Variants in CCDC192 observed in about 807,000 individuals in gnomAD.
CCDC192 encodes the protein coiled-coil domain containing 192, also known as coiled-coil domain-containing protein 192.
intron 3 of CCDC192, among the ~76,000 whole-genome samples, chr5:127,780,900 G>A (rs2126932442): frequency 6.6e-6 from 1 of 152,182 alleles, no homozygotes; most frequent in Non-Finnish European, 1.5e-5. Flanking sequence ...TCCTTGCCTA[G>A]GCTAATGTCT....
At chr5:127,898,047 T>G (rs1442530072) in intron 6 of CCDC192, among the ~76,000 whole-genome samples, 1 of 152,102 alleles carries the variant, frequency 6.6e-6, no homozygotes, top group Non-Finnish European at 1.5e-5. Flanking sequence ...TAGAGTATAT[T>G]TAACGGGGCC....
intron 2 of CCDC192, among the ~76,000 whole-genome samples, chr5:127,711,615 G>A (rs1751341905): frequency 6.6e-6 from 1 of 152,204 alleles, no homozygotes; most frequent in Admixed American, 6.5e-5. Flanking sequence ...ATTCTAAGAT[G>A]ACTTTCAAAA....
chr5:127,770,890 T>A (rs963565958), intron 3 of CCDC192, among the ~76,000 whole-genome samples: 3 of 152,230 alleles, frequency 2.0e-5, no homozygotes, highest in South Asian at 2.1e-4. Flanking sequence ...GGGTGGACTA[T>A]AATTGGCTTC....
chr5:127,825,536 G>A (rs778696942), intron 5 of CCDC192, among the ~76,000 whole-genome samples: 7 of 152,170 alleles, frequency 4.6e-5, no homozygotes, highest in African/African-American at 7.2e-5. Flanking sequence ...TGGCATGAGT[G>A]GCTGAAGCTG....
At chr5:127,901,753 G>A (rs897369437) in intron 6 of CCDC192, among the ~76,000 whole-genome samples, 2 of 152,052 alleles carry the variant, frequency 1.3e-5, no homozygotes, top group Admixed American at 6.5e-5. Flanking sequence ...AAAGGCTGCT[G>A]GTCCTCCCTG....
At chr5:127,751,904 C>A (rs1051949390) in intron 2 of CCDC192, among the ~76,000 whole-genome samples, 3 of 152,078 alleles carry the variant, frequency 2.0e-5, no homozygotes, top group Non-Finnish European at 4.4e-5. Flanking sequence ...CAGTTGATCG[C>A]ATCGGCTCCT....
At chr5:127,896,967 A>C (rs1277789443) in intron 6 of CCDC192, among the ~76,000 whole-genome samples, 1 of 152,022 alleles carries the variant, frequency 6.6e-6, no homozygotes, top group Non-Finnish European at 1.5e-5. Flanking sequence ...ATTGAAAAAT[A>C]TTTCCTTTAT....
intron 2 of CCDC192, among the ~76,000 whole-genome samples, chr5:127,724,640 A>G (rs1752208647): frequency 6.6e-6 from 1 of 152,116 alleles, no homozygotes; most frequent in Non-Finnish European, 1.5e-5. Flanking sequence ...CATGAGGTCA[A>G]CAGATCAAGA....
chr5:127,792,243 G>A (rs766437359), intron 3 of CCDC192, among the ~76,000 whole-genome samples: 12 of 152,106 alleles, frequency 7.9e-5, no homozygotes, highest in Non-Finnish European at 1.6e-4. Context: ...ACATGACTAC[G>A]AGGCCTCAGG....
At chr5:127,761,136 C>T (rs972642226) in intron 3 of CCDC192, among the ~76,000 whole-genome samples, 10 of 152,164 alleles carry the variant, frequency 6.6e-5, no homozygotes, top group Admixed American at 1.3e-4. Flanking sequence ...TGGCTTTGCA[C>T]GCTGTTCAAA....
chr5:127,719,468 G>T (rs200452604), intron 2 of CCDC192, among the ~76,000 whole-genome samples: 1 of 102,886 alleles, frequency 9.7e-6, no homozygotes, highest in South Asian at 2.8e-4. Context: ...TATATATACA[G>T]ACACATACAT....
intron 2 of CCDC192, among the ~76,000 whole-genome samples, chr5:127,750,673 G>T (rs1086484): frequency 0.24 from 30,800 of 127,836 alleles, 3,442 homozygotes; most frequent in South Asian, 0.36. Flanking sequence ...TATCCTTGTT[G>T]ACTTTCTGTC....
At chr5:127,780,123 A>T (rs544204950) in intron 3 of CCDC192, among the ~76,000 whole-genome samples, 3 of 152,086 alleles carry the variant, frequency 2.0e-5, no homozygotes, top group African/African-American at 7.2e-5. Flanking sequence ...CTATATATAC[A>T]TACACACACA....
At chr5:127,821,043 A>G (rs943524990) in intron 5 of CCDC192, among the ~76,000 whole-genome samples, 1 of 151,746 alleles carries the variant, frequency 6.6e-6, no homozygotes, top group Non-Finnish European at 1.5e-5. Flanking sequence ...ACACACACAT[A>G]TACACACACA....
In CCDC192 at chr5:127,932,631, C is replaced by A. The variant is rs189591326; in HGVS notation, c.536-8551C>A. On this transcript the variant is annotated intron_variant, in intron 6 of 6. Transcript: ENST00000514853. ...AGCAATTGTAACCTTCGGGCTGATGCTTTCTTAGGTGATTTGTGTTATATA... is the reference window on the plus strand; with the variant it reads ...AGCAATTGTAACCTTCGGGCTGATGATTTCTTAGGTGATTTGTGTTATATA... Among the ~76,000 whole-genome samples, 222 of 152,262 alleles carry A rather than the reference C, an allele frequency of 1.5e-3. 5 individuals are homozygous for A. The highest frequency in any genetic ancestry group is 1.6e-4 in the Non-Finnish European group (11 of 68,016).
intron 6 of CCDC192, among the ~76,000 whole-genome samples, chr5:127,919,164 C>T (rs1445288243): frequency 6.6e-6 from 1 of 151,702 alleles, no homozygotes. Context: ...TCCAGTAGCT[C>T]TCGGAAAATG....
intron 1 of CCDC192, among the ~76,000 whole-genome samples, chr5:127,704,745 A>G (rs993426313): frequency 6.6e-6 from 1 of 152,114 alleles, no homozygotes; most frequent in African/African-American, 2.4e-5. Context: ...TTATTTTCCC[A>G]GAACAAAGCA....
At chr5:127,830,977 A>G (rs898772868) in intron 5 of CCDC192, among the ~76,000 whole-genome samples, 1 of 152,200 alleles carries the variant, frequency 6.6e-6, no homozygotes, top group Non-Finnish European at 1.5e-5. Context: ...CAGCAAACTC[A>G]CCTAGCAAGC....
At chr5:127,925,853 T>G (rs1421640801) in intron 6 of CCDC192, among the ~76,000 whole-genome samples, 1 of 152,196 alleles carries the variant, frequency 6.6e-6, no homozygotes, top group African/African-American at 2.4e-5. Context: ...AATGTCCAAG[T>G]GCTCAGGCAT....
Sources: gnomAD v4.1 joint callset for allele counts (sites outside exome capture counted in the v4.1 genomes callset) on GRCh38, gnomAD v4.1.1 for gene constraint, MANE v1.5 for transcripts, NCBI Gene and HGNC (gene_info 2026-07-23, HGNC 2026-07-21) for gene names.